The following CAPN9 variants were observed in gnomAD, a reference collection of about 807,000 sequenced individuals.
The protein encoded by CAPN9 is calpain 9.
In CAPN9, 81 loss-of-function variants were observed where a neutral mutation model predicts 92.8. That is an observed-to-expected ratio of 0.87 (90% CI 0.73 to 1.05). The LOEUF (loss-of-function observed/expected upper bound fraction) is 1.05. Ranked by LOEUF, CAPN9 falls within the 50% of genes least tolerant of loss-of-function variation. The probability of loss-of-function intolerance (pLI) is 0.00; values close to 1 mark genes in which losing one functional copy is unlikely to be tolerated. For missense variants in CAPN9, 848 were observed against 866.2 expected (o/e 0.98, Z 0.26); for synonymous variants, 304 against 328.0 (o/e 0.93, Z 0.79).
chr1:230,761,299 A>G (rs1260873533), intron 3 of CAPN9, among the ~76,000 whole-genome samples: 3 of 152,134 alleles, frequency 2.0e-5, no homozygotes, highest in Non-Finnish European at 1.5e-5. Context: ...CGTGCTAGGA[A>G]GTTAGCAGAG....
At chr1:230,752,893 G>C (rs1664937212) in intron 1 of CAPN9, among the ~76,000 whole-genome samples, 1 of 152,172 alleles carries the variant, frequency 6.6e-6, no homozygotes, top group South Asian at 2.1e-4. Flanking sequence ...GCCGTGAGAA[G>C]TTAAATGGCC....
intron 7 of CAPN9, 95 bp downstream of exon 7, chr1:230,772,194 A>G (rs1212986339): frequency 3.9e-6 from 4 of 1,019,706 alleles, no homozygotes; most frequent in African/African-American, 1.6e-5. Context: ...CCTGTCTACT[A>G]TCCTCCCGGG....
At position 230,801,936 on chromosome 1, in the gene CAPN9, A is replaced by C. The variant is rs1488298679; in HGVS notation, c.*340A>C. The C allele has an allele frequency of 9.2e-5, 31 of 337,628 alleles. No individual in the cohort carries two copies. Among genetic ancestry groups the C allele is most frequent in the Non-Finnish European group, 5.5e-6 (1 of 182,836 alleles). 20.9% of individuals were successfully genotyped at this position (337,628 alleles called of 1,614,324 possible). On this transcript the variant is annotated 3_prime_UTR_variant, in exon 20 of 20. Transcript: ENST00000271971. ...TCTAACGCACAGAATCCTGACTTCC[A>C]TGTAGCTCCAGTCATTGTGATCAGA...
intron 1 of CAPN9, among the ~76,000 whole-genome samples, chr1:230,751,739 T>C (rs1395557776): frequency 6.6e-6 from 1 of 151,890 alleles, no homozygotes; most frequent in Non-Finnish European, 1.5e-5. Flanking sequence ...GGAAAGTGTG[T>C]CTTCGGCTGA....
rs771622279 is a variant in CAPN9 at position 230,792,890 on chromosome 1, T to C, written c.1832T>C (p.Met611Thr). The C allele has an allele frequency of 7.4e-6, 12 of 1,614,010 alleles. No individual in the cohort carries two copies. The highest frequency in any genetic ancestry group is 1.6e-4 in the Middle Eastern group (1 of 6,084). The change falls in exon 17 of 20, where the codon ATG (methionine) becomes ACG (threonine). Residue 611 changes from methionine (M) to threonine (T), a missense_variant. Physicochemically the swap from Met to Thr is moderately conservative, Grantham distance 81 (BLOSUM62 -1). Coordinates refer to ENST00000271971, the MANE Select transcript of CAPN9 (RefSeq NM_006615.3). ...LRFDADKSGT[M>T]STYELRTALK... ...TTTGATGCTGACAAGTCCGGCACCATGTCTACCTATGAACTACGGACTGCA... is the reference window on the plus strand; with the variant it reads ...TTTGATGCTGACAAGTCCGGCACCACGTCTACCTATGAACTACGGACTGCA...
chr1:230,755,813 G>A (rs1665187048), intron 2 of CAPN9, among the ~76,000 whole-genome samples: 1 of 152,182 alleles, frequency 6.6e-6, no homozygotes, highest in Non-Finnish European at 1.5e-5. Context: ...AATGGAGGCT[G>A]AGGAAGGCTA....
intron 14 of CAPN9, among the ~76,000 whole-genome samples, chr1:230,790,836 A>C (rs1305649839): frequency 6.6e-6 from 1 of 152,188 alleles, no homozygotes; most frequent in Non-Finnish European, 1.5e-5. Flanking sequence ...CTGTAATCCC[A>C]GCTGCTCGGG....
intron 7 of CAPN9, among the ~76,000 whole-genome samples, chr1:230,773,897 A>T (rs1038851832): frequency 6.6e-6 from 1 of 152,172 alleles, no homozygotes; most frequent in Non-Finnish European, 1.5e-5. Flanking sequence ...TGTGGGAGTC[A>T]CAGAAAATGC....
Position 230,747,679 on chromosome 1 carries a change from G to A in CAPN9, c.183G>A (p.Pro61=), listed in dbSNP as rs368398889. ...CCTCCCTGTTCTACAGTGAGAGGCCGCAGATCCCCTTTGTGTGGAAACGAC... is the reference window on the plus strand; with the variant it reads ...CCTCCCTGTTCTACAGTGAGAGGCCACAGATCCCCTTTGTGTGGAAACGAC... ...SNSSLFYSER[P]QIPFVWKRPG... Residue 61 remains proline (P), a synonymous_variant, in exon 1 of 20, where the codon CCG becomes CCA. Coordinates refer to ENST00000271971, the MANE Select transcript of CAPN9 (RefSeq NM_006615.3). The A allele has an allele frequency of 2.2e-5, 36 of 1,614,040 alleles. No homozygotes were observed. The highest frequency in any genetic ancestry group is 1.3e-4 in the Admixed American group (8 of 60,000).
At chr1:230,755,313 C>T (rs762706408) in intron 1 of CAPN9, 24 bp from the exon 2 acceptor site, 3 of 1,598,928 alleles carry the variant, frequency 1.9e-6, no homozygotes, top group Non-Finnish European at 2.6e-6. Flanking sequence ...AGGCCTCAGC[C>T]TAATAACACT....
chr1:230,779,546 G>A (rs534387940), intron 9 of CAPN9, among the ~76,000 whole-genome samples: 1 of 152,102 alleles, frequency 6.6e-6, no homozygotes, highest in Non-Finnish European at 1.5e-5. Context: ...ATAATCACAG[G>A]AGGGCTGGCA....
chr1:230,776,278 C>G (rs1666769137), intron 8 of CAPN9: 1 of 152,184 alleles, frequency 6.6e-6, no homozygotes, highest in Non-Finnish European at 1.5e-5. Context: ...CTAACCCCAT[C>G]CATGAGGGCT....
At chr1:230,773,009 C>T (rs1232558625) in intron 7 of CAPN9, among the ~76,000 whole-genome samples, 1 of 152,006 alleles carries the variant, frequency 6.6e-6, no homozygotes, top group African/African-American at 2.4e-5. Flanking sequence ...GAAGCCCTTT[C>T]CTGCCACATC....
intron 13 of CAPN9, among the ~76,000 whole-genome samples, chr1:230,787,975 C>G (rs1667724163): frequency 6.6e-6 from 1 of 152,178 alleles, no homozygotes; most frequent in Non-Finnish European, 1.5e-5. Flanking sequence ...ATCACCTCAG[C>G]TTCCTGAGTA....
intron 17 of CAPN9, among the ~76,000 whole-genome samples, chr1:230,793,486 T>C (rs1041223831): frequency 2.6e-5 from 4 of 152,228 alleles, no homozygotes; most frequent in African/African-American, 9.6e-5. Context: ...AGGTGGCATT[T>C]CCCACTCTTG....
chr1:230,766,226 G>A (rs1665977898), intron 4 of CAPN9, among the ~76,000 whole-genome samples: 2 of 152,072 alleles, frequency 1.3e-5, no homozygotes, highest in Non-Finnish European at 2.9e-5. Context: ...CTCCCGAAAT[G>A]CTGGGATTAC....
At chr1:230,768,489 T>G (rs1213915946) in intron 5 of CAPN9, among the ~76,000 whole-genome samples, 2 of 151,752 alleles carry the variant, frequency 1.3e-5, no homozygotes, top group South Asian at 2.1e-4. Context: ...AACATCAAGG[T>G]CAGTTGGTTT....
chr1:230,752,512 T>C (rs2102829645), intron 1 of CAPN9, among the ~76,000 whole-genome samples: 1 of 152,276 alleles, frequency 6.6e-6, no homozygotes, highest in African/African-American at 2.4e-5. Context: ...AAACAACCAA[T>C]TGCAAGATAG....
chr1:230,792,025 C>A, intron 15 of CAPN9, 97 bp downstream of exon 15: 2 of 885,924 alleles, frequency 2.3e-6, no homozygotes, highest in Non-Finnish European at 3.7e-6. Flanking sequence ...AAGAACATGA[C>A]ATCCTTAGCC....
Sources: allele counts gnomAD v4.1 joint callset (sites outside exome capture counted in the v4.1 genomes callset), GRCh38; gene constraint gnomAD v4.1.1; transcripts MANE v1.5; gene names NCBI Gene and HGNC (gene_info 2026-07-23, HGNC 2026-07-21).